SLX4IP: variants seen among roughly 807,000 people sequenced by gnomAD.
SLX4IP encodes the protein SLX4 interacting protein.
A neutral mutation model predicts 32.9 loss-of-function variants in SLX4IP; 34 were observed. The ratio of observed to expected loss-of-function variants is 1.03; its 90% CI spans 0.79 to 1.38. The LOEUF (loss-of-function observed/expected upper bound fraction) is 1.38. Among genes scored for constraint, SLX4IP ranks in the 40% most tolerant of loss-of-function variants. The pLI, the probability that SLX4IP is intolerant of heterozygous loss-of-function variation, is 0.00. For synonymous variants in SLX4IP, 172 were observed against 171.7 expected (o/e 1.00, Z -0.01); for missense variants, 444 against 479.0 (o/e 0.93, Z 0.68).
At chr20:10,589,765 T>G (rs762119344) in intron 4 of SLX4IP, among the ~76,000 whole-genome samples, 5 of 151,940 alleles carry the variant, frequency 3.3e-5, no homozygotes, top group Non-Finnish European at 7.4e-5. Flanking sequence ...TAGAAAGAAA[T>G]AAGAGTATAT....
chr20:10,512,509 C>T (rs1024958041), intron 2 of SLX4IP, among the ~76,000 whole-genome samples: 17 of 149,746 alleles, frequency 1.1e-4, no homozygotes, highest in Admixed American at 2.7e-4. Context: ...GATCTCCTGC[C>T]TCAGCCTTCC....
intron 1 of SLX4IP, among the ~76,000 whole-genome samples, chr20:10,439,469 C>G (rs1244386742): frequency 6.6e-6 from 1 of 152,206 alleles, no homozygotes; most frequent in African/African-American, 2.4e-5. Context: ...CTTGGCCTCT[C>G]AAAGTGCTGG....
intron 2 of SLX4IP, among the ~76,000 whole-genome samples, chr20:10,509,564 C>T (rs2065788414): frequency 6.6e-6 from 1 of 152,292 alleles, no homozygotes; most frequent in Admixed American, 6.5e-5. Flanking sequence ...GATTCTCTTC[C>T]TGTTAAAGAA....
At chr20:10,595,940 G>T (rs181952229) in intron 4 of SLX4IP, among the ~76,000 whole-genome samples, 1 of 152,310 alleles carries the variant, frequency 6.6e-6, no homozygotes, top group East Asian at 1.9e-4. Flanking sequence ...ATAACAAGAT[G>T]CTATTTAGAA....
chr20:10,489,135 G>A (rs2065598660), intron 2 of SLX4IP, among the ~76,000 whole-genome samples: 1 of 152,188 alleles, frequency 6.6e-6, no homozygotes, highest in South Asian at 2.1e-4. Context: ...AAACAGTAGT[G>A]CAGCAGCAGC....
At chr20:10,552,105 G>T (rs575718341) in intron 2 of SLX4IP, among the ~76,000 whole-genome samples, 1 of 152,338 alleles carries the variant, frequency 6.6e-6, no homozygotes, top group South Asian at 2.1e-4. Context: ...CCTGTTGTTG[G>T]CTGAATCCTC....
intron 2 of SLX4IP, among the ~76,000 whole-genome samples, chr20:10,469,118 C>T (rs987812745): frequency 1.3e-5 from 2 of 152,154 alleles, no homozygotes; most frequent in South Asian, 2.1e-4. Flanking sequence ...TCCTGGGCAG[C>T]GAGTTGGACA....
intron 3 of SLX4IP, among the ~76,000 whole-genome samples, chr20:10,559,345 C>A (rs1328817914): frequency 6.6e-6 from 1 of 152,086 alleles, no homozygotes; most frequent in Non-Finnish European, 1.5e-5. Flanking sequence ...TTGAGGAGTA[C>A]AAGTGTTTTT....
At chr20:10,463,638 G>T (rs2065356487) in intron 2 of SLX4IP, among the ~76,000 whole-genome samples, 1 of 152,230 alleles carries the variant, frequency 6.6e-6, no homozygotes, top group South Asian at 2.1e-4. Context: ...GATTTTTTTA[G>T]GCCTGTCAGG....
intron 1 of SLX4IP, among the ~76,000 whole-genome samples, chr20:10,457,251 A>C (rs1490539825): frequency 6.6e-6 from 1 of 152,082 alleles, no homozygotes; most frequent in African/African-American, 2.4e-5. Flanking sequence ...ACAATGATGA[A>C]AAGAAGTGGC....
intron 2 of SLX4IP, among the ~76,000 whole-genome samples, chr20:10,465,251 G>A (rs780952571): frequency 6.6e-5 from 10 of 152,126 alleles, no homozygotes; most frequent in Non-Finnish European, 1.2e-4. Context: ...ACTCTTTAGG[G>A]TAGGGAAAAG....
intron 6 of SLX4IP, among the ~76,000 whole-genome samples, chr20:10,605,549 GCCCTACTTTTTTTACTTTT>G (rs2066896212): frequency 6.6e-6 from 1 of 152,116 alleles, no homozygotes; most frequent in African/African-American, 2.4e-5. Context: ...AAATCCCCCA[GCCCTACTTTTTTTACTTTT>G]AAACCGAAGC....
chr20:10,531,213 C>T (rs1448631099), intron 2 of SLX4IP, among the ~76,000 whole-genome samples: 1 of 152,200 alleles, frequency 6.6e-6, no homozygotes, highest in African/African-American at 2.4e-5. Context: ...GACCCTCACC[C>T]CACCTCCTAC....
At chr20:10,617,390 C>G (rs1456491824) in intron 6 of SLX4IP, among the ~76,000 whole-genome samples, 1 of 152,178 alleles carries the variant, frequency 6.6e-6, no homozygotes, top group Non-Finnish European at 1.5e-5. Flanking sequence ...AGTCTTCCCA[C>G]TGGCCTGCGG....
At chr20:10,510,150 T>A (rs1382068514) in intron 2 of SLX4IP, among the ~76,000 whole-genome samples, 2 of 152,242 alleles carry the variant, frequency 1.3e-5, no homozygotes, top group African/African-American at 2.4e-5. Flanking sequence ...AATATAATTT[T>A]AAATTTTTAA....
chr20:10,491,259 A>G (rs183859725), intron 2 of SLX4IP, among the ~76,000 whole-genome samples: 2 of 152,352 alleles, frequency 1.3e-5, no homozygotes, highest in East Asian at 1.9e-4. Flanking sequence ...CATAATACCC[A>G]TCAACTCTTC....
At chr20:10,536,302 A>G (rs914140226) in intron 2 of SLX4IP, among the ~76,000 whole-genome samples, 3 of 151,932 alleles carry the variant, frequency 2.0e-5, no homozygotes, top group Non-Finnish European at 4.4e-5. Context: ...CTGAGGCAGG[A>G]GGATCGCTTG....
intron 6 of SLX4IP, among the ~76,000 whole-genome samples, chr20:10,603,152 T>C (rs551361098): frequency 6.6e-6 from 1 of 152,354 alleles, no homozygotes; most frequent in East Asian, 1.9e-4. Context: ...AGGAAGAAAT[T>C]GATCTATGGG....
rs556005799 is a variant in SLX4IP, at chr20:10,553,920, T to C, written c.28-2311T>C. Reference sequence around the variant, plus strand: ...ACTTCATTTGGGTCTCCCACACATTTTCAGGGACGTAATACCTACATTTTA... The same window carrying C: ...ACTTCATTTGGGTCTCCCACACATTCTCAGGGACGTAATACCTACATTTTA... On this transcript the variant is annotated intron_variant, in intron 2 of 7. Coordinates refer to ENST00000334534, the MANE Select transcript of SLX4IP (RefSeq NM_001009608.3). Among the ~76,000 whole-genome samples, 4 of 152,346 alleles carry C rather than the reference T, an allele frequency of 2.6e-5. No individual in the cohort carries two copies. The East Asian group carries it at 7.7e-4, about 29-fold the overall frequency.
Sources: allele counts gnomAD v4.1 joint callset (sites outside exome capture counted in the v4.1 genomes callset), GRCh38; gene constraint gnomAD v4.1.1; transcripts MANE v1.5; gene names NCBI Gene and HGNC (gene_info 2026-07-23, HGNC 2026-07-21).